The following ZNF407 variants were observed in gnomAD, a reference collection of about 807,000 sequenced individuals.
ZNF407 encodes the protein zinc finger protein 407.
Under a neutral mutation model 131.2 loss-of-function variants are expected in ZNF407, and 17 were observed. That is an observed-to-expected ratio of 0.13 (90% CI 0.09 to 0.19). The LOEUF is 0.19. ZNF407 is among the 10% of genes least tolerant of loss of function. The probability of loss-of-function intolerance (pLI) is 1.00; values close to 1 mark genes in which losing one functional copy is unlikely to be tolerated. For missense variants in ZNF407, 2,681 were observed against 2,830.6 expected, an observed-to-expected ratio of 0.95 and a Z score of 1.20; for synonymous variants, 1,156 against 1,062.0, an observed-to-expected ratio of 1.09 and a Z score of -1.72.
intron 4 of ZNF407, among the ~76,000 whole-genome samples, chr18:74,805,612 A>T (rs891532794): frequency 9.2e-5 from 14 of 152,216 alleles, no homozygotes; most frequent in Admixed American, 8.5e-4. Context: ...TTATCAATAC[A>T]TTTATGATAC....
intron 8 of ZNF407, among the ~76,000 whole-genome samples, chr18:75,027,070 G>A (rs917931000): frequency 2.6e-5 from 4 of 152,212 alleles, no homozygotes; most frequent in African/African-American, 4.8e-5. Context: ...ACAGACACTC[G>A]TGCAGGAACT....
At chr18:74,869,178 T>G (rs1375530901) in intron 4 of ZNF407, among the ~76,000 whole-genome samples, 1 of 152,202 alleles carries the variant, frequency 6.6e-6, no homozygotes, top group African/African-American at 2.4e-5. Flanking sequence ...GAAATTCCCT[T>G]TATTTGTTCT....
intron 4 of ZNF407, among the ~76,000 whole-genome samples, chr18:74,831,044 A>AT (rs1356308456): frequency 6.6e-6 from 1 of 152,154 alleles, no homozygotes; most frequent in Non-Finnish European, 1.5e-5. Context: ...TTCCTGGCTT[A>AT]TTTCACTTAA....
At chr18:74,785,303 T>C (rs1969681653) in intron 4 of ZNF407, among the ~76,000 whole-genome samples, 4 of 152,164 alleles carry the variant, frequency 2.6e-5, no homozygotes, top group African/African-American at 7.2e-5. Context: ...GGCTCAGGGC[T>C]TCTTAGTATT....
intron 3 of ZNF407, among the ~76,000 whole-genome samples, chr18:74,682,468 A>G (rs1341783703): frequency 6.6e-6 from 1 of 152,150 alleles, no homozygotes; most frequent in Non-Finnish European, 1.5e-5. Flanking sequence ...AAGATGATAA[A>G]TTGTTTCAGC....
At chr18:74,883,328 AAC>A (rs1971263647) in intron 6 of ZNF407, among the ~76,000 whole-genome samples, 1 of 152,214 alleles carries the variant, frequency 6.6e-6, no homozygotes, top group Non-Finnish European at 1.5e-5. Flanking sequence ...ATATTTAAGC[AAC>A]ACACAACCTT....
chr18:74,966,581 T>A (rs185485842), intron 8 of ZNF407, among the ~76,000 whole-genome samples: 20 of 152,340 alleles, frequency 1.3e-4, no homozygotes, highest in South Asian at 6.2e-4. Flanking sequence ...GTAGTGTAAT[T>A]TGAAGTCAGG....
At chr18:74,732,061 AG>A (rs1968306882) in intron 3 of ZNF407, among the ~76,000 whole-genome samples, 1 of 152,206 alleles carries the variant, frequency 6.6e-6, no homozygotes, top group Non-Finnish European at 1.5e-5. Context: ...GTAGGTTTTC[AG>A]TTATATCAGA....
chr18:74,728,678 C>T (rs1304160353), intron 3 of ZNF407, among the ~76,000 whole-genome samples: 1 of 152,048 alleles, frequency 6.6e-6, no homozygotes, highest in Non-Finnish European at 1.5e-5. Flanking sequence ...GAAGGTGCGA[C>T]CTGAAAGGCC....
intron 4 of ZNF407, among the ~76,000 whole-genome samples, chr18:74,830,116 G>GC (rs1970462116): frequency 6.6e-6 from 1 of 152,070 alleles, no homozygotes; most frequent in African/African-American, 2.4e-5. Context: ...AAGAAGAGAG[G>GC]CCTCAGGAGA....
intron 3 of ZNF407, among the ~76,000 whole-genome samples, chr18:74,666,330 G>A (rs1390974822): frequency 6.6e-6 from 1 of 152,146 alleles, no homozygotes; most frequent in South Asian, 2.1e-4. Flanking sequence ...CAGACAGGCC[G>A]GGGACAGAGA....
intron 4 of ZNF407, among the ~76,000 whole-genome samples, chr18:74,819,718 G>C (rs914550039): frequency 5.3e-5 from 8 of 152,208 alleles, no homozygotes; most frequent in African/African-American, 1.9e-4. Flanking sequence ...ACCGAAACGT[G>C]TAGGTGGTCT....
At chr18:75,046,604 G>A (rs1438307283) in intron 8 of ZNF407, among the ~76,000 whole-genome samples, 4 of 152,026 alleles carry the variant, frequency 2.6e-5, no homozygotes, top group South Asian at 2.1e-4. Context: ...GTGACCACCC[G>A]AACCGAGGGG....
In ZNF407 at chr18:74,633,083, G is replaced by A. The variant is rs1984215862; in HGVS notation, c.2064G>A (p.Lys688=). ...AAGCATCTCAGGAAGAACCTCTGAA[G>A]TCCAGGGTAAGCCATGGTAATGAAG... ...SGKASQEEPL[K]SRVSHGNEVR... Residue 688 remains lysine, a synonymous_variant, in exon 2 of 9, where the codon AAG becomes AAA. Coordinates refer to ENST00000299687, the MANE Select transcript of ZNF407 (RefSeq NM_017757.3). 1 of 1,613,802 alleles carries A rather than the reference G, an allele frequency of 6.2e-7. No homozygotes were observed. Among genetic ancestry groups the A allele is most frequent in the Non-Finnish European group, 8.5e-7 (1 of 1,179,892 alleles).
intron 4 of ZNF407, among the ~76,000 whole-genome samples, chr18:74,833,974 T>C (rs1970521240): frequency 6.6e-6 from 1 of 152,226 alleles, no homozygotes. Flanking sequence ...TAGCTGCATA[T>C]GTACATCTTG....
chr18:75,013,196 G>C (rs1339562109), intron 8 of ZNF407, among the ~76,000 whole-genome samples: 1 of 152,118 alleles, frequency 6.6e-6, no homozygotes, highest in African/African-American at 2.4e-5. Flanking sequence ...AAAAGAAAAA[G>C]AGATGCGGTG....
chr18:74,668,127 A>G (rs901349534), intron 3 of ZNF407, among the ~76,000 whole-genome samples: 6 of 152,126 alleles, frequency 3.9e-5, no homozygotes, highest in South Asian at 4.1e-4. Context: ...CTGAGTGCCA[A>G]TATGACACCA....
chr18:74,640,142 T>G (rs1984642891), intron 2 of ZNF407, among the ~76,000 whole-genome samples: 1 of 152,098 alleles, frequency 6.6e-6, no homozygotes, highest in South Asian at 2.1e-4. Flanking sequence ...GTGTATCTAT[T>G]TTATGTCTTA....
At chr18:74,830,252 C>T (rs61690100) in intron 4 of ZNF407, among the ~76,000 whole-genome samples, 13,428 of 152,162 alleles carry the variant, frequency 0.088, 663 homozygotes, top group South Asian at 0.17. Context: ...CACTAATGTA[C>T]ACCCACATTT....
Sources: gnomAD v4.1 joint callset for allele counts (sites outside exome capture counted in the v4.1 genomes callset) on GRCh38, gnomAD v4.1.1 for gene constraint, MANE v1.5 for transcripts, NCBI Gene and HGNC (gene_info 2026-07-23, HGNC 2026-07-21) for gene names.